The following KDR variants were observed in gnomAD, a reference collection of about 807,000 sequenced individuals.
KDR encodes kinase insert domain receptor.
KDR carries 43 observed loss-of-function variants against 160.9 expected under a neutral mutation model. That is an observed-to-expected ratio of 0.27 (90% CI 0.21 to 0.34). KDR has a LOEUF of 0.34. Among genes scored for constraint, KDR ranks in the 10% least tolerant of loss-of-function variants. The pLI is 1.00. For synonymous variants in KDR, 617 were observed against 600.1 expected (o/e 1.03, Z -0.41); for missense variants, 1,469 against 1,666.4 (o/e 0.88, Z 2.06).
In KDR at chr4:55,087,737, G is replaced by A. The variant is rs754095453; in HGVS notation, c.3532C>T (p.Leu1178Phe). 4 of 1,614,166 alleles carry A rather than the reference G, an allele frequency of 2.5e-6. No homozygotes were observed. In the East Asian group the frequency reaches 8.9e-5, roughly 36 times the overall value. Residue 1178 changes from leucine (L) to phenylalanine (F), a missense_variant, in exon 27 of 30, where the codon CTT becomes TTT. Around this residue, in one of 7 missense-constraint regions of KDR, gnomAD observed 132 missense variants for 195.9 expected, o/e 0.67. Transcript: ENST00000263923. ...ATGCTCAAAGTCTCTGATATCGGAA[G>A]AACAATGTAGTCTTTGCCATCCTGA... ...AQQDGKDYIV[L>F]PISETLSMEE...
chr4:55,123,599 G>GT (rs1720952319), intron 1 of KDR, among the ~76,000 whole-genome samples: 1 of 152,124 alleles, frequency 6.6e-6, no homozygotes, highest in South Asian at 2.1e-4. Flanking sequence ...GACCAACATA[G>GT]TTTTTTGTTT....
At chr4:55,080,512 G>A (rs969290856) in intron 29 of KDR, among the ~76,000 whole-genome samples, 1 of 152,136 alleles carries the variant, frequency 6.6e-6, no homozygotes, top group African/African-American at 2.4e-5. Flanking sequence ...GCGCCAAAGG[G>A]CCACTTGCAT....
chr4:55,099,366 T>C (rs773861321), intron 15 of KDR, among the ~76,000 whole-genome samples: 5 of 152,158 alleles, frequency 3.3e-5, no homozygotes, highest in Non-Finnish European at 5.9e-5. Flanking sequence ...ACATTGCTCA[T>C]GTAAACTTAC....
At chr4:55,095,786 G>A (rs1302899908) in intron 19 of KDR, 121 bp from the exon 20 acceptor site, 3 of 737,156 alleles carry the variant, frequency 4.1e-6, no homozygotes, top group African/African-American at 1.7e-5. Flanking sequence ...ATTGGGACAG[G>A]AGTGTAGAAA....
Position 55,079,972 on chromosome 4 carries a change from G to A in KDR, c.4040C>T (p.Ser1347Leu), listed in dbSNP as rs2110003605. ...AGGAGGAGAGCTCAGTGTGGTCCCC[G>A]AGTCAGGCTGGAGAATCTGGGCTGT... ...GSTAQILQPD[S>L]GTTLSSPPV The change falls in exon 30 of 30, where the codon TCG (serine) becomes TTG (leucine). Residue 1347 changes from serine to leucine, a missense_variant. Around this residue, in one of 7 missense-constraint regions of KDR, gnomAD observed 229 missense variants for 197.8 expected, o/e 1.16. Transcript: ENST00000263923. 1 of 1,614,140 alleles carries A rather than the reference G, an allele frequency of 6.2e-7. No individual in the cohort carries two copies. Among genetic ancestry groups the A allele is most frequent in the Non-Finnish European group, 8.5e-7 (1 of 1,180,022 alleles).
At position 55,097,720 on chromosome 4, in the gene KDR, A is replaced by G. The variant is rs1452361609; in HGVS notation, c.2556T>C (p.Asp852=). Residue 852 remains aspartate, a synonymous_variant, in exon 18 of 30, where the codon GAT becomes GAC. Transcript: ENST00000263923. ...RGAFGQVIEA[D]AFGIDKTATC... ...TTGCTGTCTTGTCAATTCCAAAGGCATCTGCTTCAATCACTTGGCCAAAGG... is the reference window on the plus strand; with the variant it reads ...TTGCTGTCTTGTCAATTCCAAAGGCGTCTGCTTCAATCACTTGGCCAAAGG... 2.5e-6 allele frequency: 4 copies of G among 1,613,282 alleles called. No homozygotes were observed. Among genetic ancestry groups the G allele is most frequent in the East Asian group, 2.2e-5 (1 of 44,882 alleles).
chr4:55,091,023 T>C (rs1341602003), intron 22 of KDR, among the ~76,000 whole-genome samples: 1 of 152,054 alleles, frequency 6.6e-6, no homozygotes, highest in Non-Finnish European at 1.5e-5. Context: ...CAGCTAATTA[T>C]TATATTTTTA....
intron 19 of KDR, 39 bp downstream of exon 19, chr4:55,096,190 G>T: frequency 1.7e-6 from 2 of 1,144,518 alleles, no homozygotes; most frequent in African/African-American, 1.5e-5. Context: ...AGAGAGGCAT[G>T]TTAAAATTGG....
intron 13 of KDR, among the ~76,000 whole-genome samples, chr4:55,103,093 C>T (rs562904287): frequency 1.3e-5 from 2 of 152,232 alleles, no homozygotes; most frequent in South Asian, 4.1e-4. Context: ...GAACTGTTTA[C>T]AGAATCTGGT....
chr4:55,084,339 C>G (rs574817973), intron 27 of KDR, among the ~76,000 whole-genome samples: 4 of 152,220 alleles, frequency 2.6e-5, no homozygotes, highest in African/African-American at 9.6e-5. Context: ...AGAAAGGCAG[C>G]TTGGCTAGAA....
At chr4:55,108,002 C>T in intron 9 of KDR, 109 bp from the exon 10 acceptor site, 2 of 1,283,862 alleles carry the variant, frequency 1.6e-6, no homozygotes, top group Non-Finnish European at 2.3e-6. Context: ...ATTTTGCTTC[C>T]ACTTTCTTTT....
chr4:55,101,316 A>C (rs2168945), intron 15 of KDR, among the ~76,000 whole-genome samples: 46,239 of 152,108 alleles, frequency 0.3, 7,791 homozygotes, highest in Admixed American at 0.46. Flanking sequence ...TGCAAGCAGA[A>C]TTATAACAAC....
At chr4:55,094,427 A>C (rs1475790565) in intron 21 of KDR, among the ~76,000 whole-genome samples, 1 of 152,192 alleles carries the variant, frequency 6.6e-6, no homozygotes, top group Non-Finnish European at 1.5e-5. Flanking sequence ...TAAAGCATGC[A>C]ACGTGGGGCA....
At chr4:55,111,814 G>A (rs1456618685) in intron 7 of KDR, among the ~76,000 whole-genome samples, 1 of 152,228 alleles carries the variant, frequency 6.6e-6, no homozygotes, top group Admixed American at 6.5e-5. Flanking sequence ...TAGAGGTCAA[G>A]AGCATAGCTT....
Position 55,079,862 on chromosome 4 carries a change from G to A in KDR, c.*79C>T, listed in dbSNP as rs937239365. 1.6e-6 allele frequency: 2 copies of A among 1,276,062 alleles called. No individual in the cohort carries two copies. Among genetic ancestry groups the A allele is most frequent in the Admixed American group, 3.4e-5 (2 of 59,542 alleles). 79.0% of individuals were successfully genotyped at this position (1,276,062 alleles called of 1,614,324 possible). On this transcript the variant is annotated 3_prime_UTR_variant, in exon 30 of 30. Transcript: ENST00000263923. ...AAATCAAATGCGGCTACTTCCTGCTGGTGGAAAGAACAACACTTGAAAATC... is the reference window on the plus strand; with the variant it reads ...AAATCAAATGCGGCTACTTCCTGCTAGTGGAAAGAACAACACTTGAAAATC...
intron 3 of KDR, among the ~76,000 whole-genome samples, chr4:55,115,856 C>T (rs1371513968): frequency 1.3e-5 from 2 of 152,090 alleles, no homozygotes; most frequent in Non-Finnish European, 2.9e-5. Flanking sequence ...CATGTGCTCT[C>T]TCTTTAGGTA....
At chr4:55,105,013 T>C (rs763805732) in intron 12 of KDR, 29 bp from the exon 13 acceptor site, 1 of 1,578,206 alleles carries the variant, frequency 6.3e-7, no homozygotes, top group Non-Finnish European at 8.7e-7. Context: ...AGTTATTGAA[T>C]GGTGATTTAA....
intron 20 of KDR, 80 bp downstream of exon 20, chr4:55,095,497 A>C (rs1720128319): frequency 9.8e-7 from 1 of 1,024,016 alleles, no homozygotes; most frequent in South Asian, 1.3e-5. Context: ...ACAAAATTTC[A>C]ACTAAAAAAC....
intron 9 of KDR, among the ~76,000 whole-genome samples, chr4:55,109,091 C>CT (rs35583613): frequency 0.61 from 92,046 of 150,590 alleles, 28,356 homozygotes; most frequent in East Asian, 0.77. Context: ...AACCTGTTAA[C>CT]TTTTTTTTTG....
Sources: allele counts gnomAD v4.1 joint callset (sites outside exome capture counted in the v4.1 genomes callset), GRCh38; gene constraint gnomAD v4.1.1; regional missense constraint gnomAD v4.1.1; transcripts MANE v1.5; gene names NCBI Gene and HGNC (gene_info 2026-07-23, HGNC 2026-07-21).